The following MTF2 variants were observed in gnomAD, a reference collection of about 807,000 sequenced individuals.
MTF2 encodes the protein metal-response element-binding transcription factor 2.
Under a neutral mutation model 79.5 loss-of-function variants are expected in MTF2, and 11 were observed. The observed-to-expected ratio is 0.14, with a 90% CI of 0.09 to 0.23. The LOEUF is 0.23. Among genes scored for constraint, MTF2 ranks in the 10% least tolerant of loss-of-function variants. The pLI, the probability that MTF2 is intolerant of heterozygous loss-of-function variation, is 1.00. For synonymous variants in MTF2, 208 were observed against 232.8 expected, an observed-to-expected ratio of 0.89 and a Z score of 0.97; for missense variants, 486 against 711.2, an observed-to-expected ratio of 0.68 and a Z score of 3.60.
chr1:93,127,136 C>T, intron 9 of MTF2, 96 bp from the exon 10 acceptor site: 2 of 804,846 alleles, frequency 2.5e-6, no homozygotes, highest in Non-Finnish European at 4.2e-6. Context: ...CCAATCAGTA[C>T]ACTTTTCCTC....
Position 93,115,055 on chromosome 1 carries a change from C to G in MTF2, c.450C>G (p.Leu150=), listed in dbSNP as rs141885311. ...TGATTGATTCAGATGAAAAATGGCT[C>G]TGTCGGCAGTGTGTTTTTGCAACAA... ...SSVIDSDEKW[L]CRQCVFATTT... Residue 150 remains leucine (L), a synonymous_variant, in exon 5 of 15, where the codon CTC becomes CTG. Coordinates refer to ENST00000370298, the MANE Select transcript of MTF2 (RefSeq NM_007358.4). 194 of 1,611,054 alleles carry G rather than the reference C, an allele frequency of 1.2e-4. No individual in the cohort carries two copies. Among genetic ancestry groups the G allele is most frequent in the Admixed American group, 7.8e-4 (47 of 59,938 alleles).
At chr1:93,121,197 C>T (rs1656461382) in intron 9 of MTF2, 1 of 981,834 alleles carries the variant, frequency 1.0e-6, no homozygotes. Flanking sequence ...TTTTGCTTCT[C>T]ATTTTTGAAG....
At chr1:93,094,007 GATT>G (rs1169049770) in intron 1 of MTF2, among the ~76,000 whole-genome samples, 1 of 152,130 alleles carries the variant, frequency 6.6e-6, no homozygotes, top group Non-Finnish European at 1.5e-5. Flanking sequence ...TTGCTATAAT[GATT>G]ATTATTCTCA....
chr1:93,096,695 A>T (rs1655303202), intron 1 of MTF2, among the ~76,000 whole-genome samples: 1 of 151,202 alleles, frequency 6.6e-6, no homozygotes, highest in South Asian at 2.1e-4. Flanking sequence ...GCTGCATCCC[A>T]CAAGTTTTTA....
intron 1 of MTF2, among the ~76,000 whole-genome samples, chr1:93,108,615 T>C (rs922321517): frequency 1.4e-4 from 21 of 151,830 alleles, no homozygotes; most frequent in Admixed American, 9.2e-4. Context: ...GATTTTTTTT[T>C]TTTTTTTTTT....
At chr1:93,106,216 A>G (rs1448489146) in intron 1 of MTF2, among the ~76,000 whole-genome samples, 1 of 152,186 alleles carries the variant, frequency 6.6e-6, no homozygotes, top group African/African-American at 2.4e-5. Context: ...ATACCTTATG[A>G]CCTAAGGATG....
At chr1:93,108,504 C>G (rs1341207960) in intron 1 of MTF2, among the ~76,000 whole-genome samples, 1 of 152,150 alleles carries the variant, frequency 6.6e-6, no homozygotes, top group Non-Finnish European at 1.5e-5. Flanking sequence ...TATGTCATCT[C>G]ACTGCCTTCT....
intron 1 of MTF2, 75 bp downstream of exon 1, chr1:93,079,606 A>C (rs1318261952): frequency 6.4e-7 from 1 of 1,563,186 alleles, no homozygotes; most frequent in African/African-American, 1.4e-5. Context: ...AAAGGAAGCA[A>C]GTATAAAAGG....
intron 1 of MTF2, among the ~76,000 whole-genome samples, chr1:93,107,752 G>T (rs1655860392): frequency 6.6e-6 from 1 of 150,924 alleles, no homozygotes; most frequent in African/African-American, 2.4e-5. Flanking sequence ...TTAGCATCTT[G>T]TGTCTGTCCT....
At chr1:93,126,899 T>G (rs1394709427) in intron 9 of MTF2, among the ~76,000 whole-genome samples, 1 of 152,144 alleles carries the variant, frequency 6.6e-6, no homozygotes, top group Non-Finnish European at 1.5e-5. Flanking sequence ...GGTTAAAGAA[T>G]TTTTGAAAAA....
chr1:93,129,250 A>T, intron 10 of MTF2, 28 bp from the exon 11 acceptor site: 1 of 1,490,250 alleles, frequency 6.7e-7, no homozygotes, highest in Non-Finnish European at 9.1e-7. Context: ...AGTTTTTAAA[A>T]TTTTAGTTAA....
intron 3 of MTF2, among the ~76,000 whole-genome samples, chr1:93,113,069 C>T (rs1458376058): frequency 6.6e-6 from 1 of 152,124 alleles, no homozygotes; most frequent in Non-Finnish European, 1.5e-5. Flanking sequence ...TGGGAGACCA[C>T]CTTCAACGAA....
At chr1:93,117,084 T>C (rs1656278310) in intron 6 of MTF2, among the ~76,000 whole-genome samples, 1 of 152,108 alleles carries the variant, frequency 6.6e-6, no homozygotes, top group African/African-American at 2.4e-5. Context: ...CACAGAGACA[T>C]AAGGTGAGCA....
chr1:93,105,806 G>C (rs1490019174), intron 1 of MTF2, among the ~76,000 whole-genome samples: 1 of 152,044 alleles, frequency 6.6e-6, no homozygotes, highest in African/African-American at 2.4e-5. Flanking sequence ...CTCCTGAGTA[G>C]CTGGGATTAC....
chr1:93,096,164 T>A (rs1281201152), intron 1 of MTF2, among the ~76,000 whole-genome samples: 1 of 152,262 alleles, frequency 6.6e-6, no homozygotes, highest in Non-Finnish European at 1.5e-5. Context: ...TGATTTAGAA[T>A]TTCACATGTA....
Position 93,114,743 on chromosome 1 carries a change from A to G in MTF2, c.342A>G (p.Glu114=), listed in dbSNP as rs1356171979. The part of the protein sequence containing the change: ...VCTICQEEYS[E]APNEMVICDK... ...CAATATGTCAAGAAGAGTATTCAGAAGCTCCCAATGAAATGGTTATATGTG... is the reference window on the plus strand; with the variant it reads ...CAATATGTCAAGAAGAGTATTCAGAGGCTCCCAATGAAATGGTTATATGTG... Residue 114 remains glutamate (E), a synonymous_variant, in exon 4 of 15, where the codon GAA becomes GAG. Transcript: ENST00000370298. 6.2e-7 allele frequency: 1 copy of G among 1,613,080 alleles called. No homozygotes were observed. Among genetic ancestry groups the G allele is most frequent in the Admixed American group, 1.7e-5 (1 of 59,824 alleles).
chr1:93,094,702 A>G (rs925589963), intron 1 of MTF2, among the ~76,000 whole-genome samples: 3 of 151,970 alleles, frequency 2.0e-5, no homozygotes, highest in East Asian at 1.9e-4. Flanking sequence ...GGGCAAGACT[A>G]TTTCACATGT....
At chr1:93,124,677 T>A (rs1157038919) in intron 9 of MTF2, among the ~76,000 whole-genome samples, 2 of 151,990 alleles carry the variant, frequency 1.3e-5, no homozygotes, top group Non-Finnish European at 1.5e-5. Flanking sequence ...CTTAGAGTGT[T>A]ATAATTAGCA....
At chr1:93,109,475 A>C (rs1015522438) in intron 1 of MTF2, among the ~76,000 whole-genome samples, 9 of 152,064 alleles carry the variant, frequency 5.9e-5, no homozygotes, top group Admixed American at 5.2e-4. Flanking sequence ...CTGGCATCAC[A>C]GGTGTGTACC....
Sources: allele counts gnomAD v4.1 joint callset (sites outside exome capture counted in the v4.1 genomes callset), GRCh38; gene constraint gnomAD v4.1.1; transcripts MANE v1.5; gene names NCBI Gene and HGNC (gene_info 2026-07-23, HGNC 2026-07-21).